Variants in CDK19 observed in about 807,000 individuals in gnomAD.
The protein encoded by CDK19 is cyclin dependent kinase 19.
A neutral mutation model predicts 68.3 loss-of-function variants in CDK19; 20 were observed. That is an observed-to-expected ratio of 0.29 (90% CI 0.21 to 0.43). The LOEUF is 0.43. Among genes scored for constraint, CDK19 ranks in the 20% least tolerant of loss-of-function variants. The probability of loss-of-function intolerance (pLI) is 1.00; values close to 1 mark genes in which losing one functional copy is unlikely to be tolerated. For synonymous variants in CDK19, 221 were observed against 222.8 expected, an observed-to-expected ratio of 0.99 and a Z score of 0.07; for missense variants, 339 against 623.5, an observed-to-expected ratio of 0.54 and a Z score of 4.86.
chr6:110,692,432 A>G (rs1773084234), intron 2 of CDK19, among the ~76,000 whole-genome samples: 1 of 152,154 alleles, frequency 6.6e-6, no homozygotes, highest in Non-Finnish European at 1.5e-5. Context: ...CCCAATCACA[A>G]AAGGAAAAAA....
intron 1 of CDK19, among the ~76,000 whole-genome samples, chr6:110,759,505 C>T (rs1290822307): frequency 1.4e-5 from 2 of 145,910 alleles, no homozygotes; most frequent in Non-Finnish European, 3.0e-5. Context: ...CAGGAGGCTG[C>T]AGCAGTAGGA....
At chr6:110,646,416 T>C (rs1317212295) in intron 4 of CDK19, 1 of 1,492,402 alleles carries the variant, frequency 6.7e-7, no homozygotes, top group Non-Finnish European at 8.9e-7. Context: ...GGCGGCGACA[T>C]GGCCTTCCCG....
chr6:110,649,891 T>A (rs559642702), intron 4 of CDK19, among the ~76,000 whole-genome samples: 1 of 152,192 alleles, frequency 6.6e-6, no homozygotes, highest in South Asian at 2.1e-4. Context: ...GGCAGAATAG[T>A]TGTTGGTACA....
At chr6:110,616,323 T>G (rs1403033004) in intron 12 of CDK19, among the ~76,000 whole-genome samples, 1 of 152,130 alleles carries the variant, frequency 6.6e-6, no homozygotes, top group African/African-American at 2.4e-5. Context: ...CCAAACGACT[T>G]GGAATATCTG....
chr6:110,761,176 TGG>T (rs775555512), intron 1 of CDK19, among the ~76,000 whole-genome samples: 2 of 152,066 alleles, frequency 1.3e-5, no homozygotes, highest in Non-Finnish European at 2.9e-5. Flanking sequence ...TCGAATGCCT[TGG>T]CTCAAGTCAT....
chr6:110,782,467 C>T (rs1780889514), intron 1 of CDK19, among the ~76,000 whole-genome samples: 1 of 152,218 alleles, frequency 6.6e-6, no homozygotes, highest in Admixed American at 6.5e-5. Context: ...TTGGACCTAA[C>T]AGCCATCTAC....
intron 1 of CDK19, among the ~76,000 whole-genome samples, chr6:110,770,754 C>A (rs554090452): frequency 2.6e-5 from 4 of 152,216 alleles, no homozygotes; most frequent in African/African-American, 9.6e-5. Flanking sequence ...CACCTATGAG[C>A]CTGTAAAATC....
At chr6:110,727,987 C>A (rs1160780221) in intron 2 of CDK19, among the ~76,000 whole-genome samples, 19 of 142,270 alleles carry the variant, frequency 1.3e-4, no homozygotes, top group Middle Eastern at 3.6e-3. Flanking sequence ...GACCCTGTCT[C>A]AAAAAAAAAA....
intron 1 of CDK19, among the ~76,000 whole-genome samples, chr6:110,757,293 T>C (rs1225689615): frequency 1.3e-5 from 2 of 152,160 alleles, no homozygotes; most frequent in East Asian, 3.8e-4. Context: ...AAAGGGAAAC[T>C]ATTAAAATTC....
chr6:110,691,432 C>T (rs1772978979), intron 2 of CDK19, among the ~76,000 whole-genome samples: 1 of 151,298 alleles, frequency 6.6e-6, no homozygotes, highest in South Asian at 2.1e-4. Flanking sequence ...TGAGATCATG[C>T]CATTGCACCC....
At chr6:110,776,590 C>T (rs1283295828) in intron 1 of CDK19, among the ~76,000 whole-genome samples, 1 of 152,148 alleles carries the variant, frequency 6.6e-6, no homozygotes, top group Non-Finnish European at 1.5e-5. Flanking sequence ...AGAGCACAGT[C>T]CCCAAGAGAT....
chr6:110,720,939 G>A (rs1040319144), intron 2 of CDK19, among the ~76,000 whole-genome samples: 1 of 151,386 alleles, frequency 6.6e-6, no homozygotes, highest in African/African-American at 2.4e-5. Flanking sequence ...GCCAATTCCT[G>A]TAAAACCTTG....
intron 1 of CDK19, among the ~76,000 whole-genome samples, chr6:110,765,130 A>G (rs1316578369): frequency 6.6e-6 from 1 of 152,010 alleles, no homozygotes; most frequent in East Asian, 1.9e-4. Context: ...TAAAGAAAAT[A>G]AAAAGAGCCA....
chr6:110,773,449 T>C (rs563474808), intron 1 of CDK19, among the ~76,000 whole-genome samples: 4 of 152,278 alleles, frequency 2.6e-5, no homozygotes, highest in South Asian at 2.1e-4. Flanking sequence ...CTTCCAGTCA[T>C]GAGTCATGGA....
chr6:110,684,839 GC>G (rs1772318860), intron 2 of CDK19, among the ~76,000 whole-genome samples: 1 of 152,134 alleles, frequency 6.6e-6, no homozygotes, highest in Admixed American at 6.5e-5. Flanking sequence ...ATCAAGGCAG[GC>G]TGAAAACCTT....
At chr6:110,638,565 C>T (rs1779931666) in intron 5 of CDK19, 84 bp downstream of exon 5, 5 of 733,514 alleles carry the variant, frequency 6.8e-6, no homozygotes, top group Middle Eastern at 2.4e-4. Context: ...AAATTAACTA[C>T]CTAAATAAGG....
intron 1 of CDK19, among the ~76,000 whole-genome samples, chr6:110,751,319 C>G (rs1723920555): frequency 6.6e-6 from 1 of 152,154 alleles, no homozygotes. Context: ...GCTCCACCTC[C>G]CGTCAGATCA....
At chr6:110,807,620 C>T (rs1350530768) in intron 1 of CDK19, among the ~76,000 whole-genome samples, 3 of 151,984 alleles carry the variant, frequency 2.0e-5, no homozygotes, top group African/African-American at 7.3e-5. Context: ...CTACCACGCC[C>T]GGCTAATTTT....
intron 1 of CDK19, among the ~76,000 whole-genome samples, chr6:110,802,552 T>G (rs749355592): frequency 1.2e-4 from 18 of 152,168 alleles, no homozygotes; most frequent in Non-Finnish European, 2.2e-4. Context: ...GAAAAAGGGT[T>G]GAAAAGCTGC....
Sources: gnomAD v4.1 joint callset for allele counts (sites outside exome capture counted in the v4.1 genomes callset) on GRCh38, gnomAD v4.1.1 for gene constraint, MANE v1.5 for transcripts, NCBI Gene and HGNC (gene_info 2026-07-23, HGNC 2026-07-21) for gene names.